The following PSMG3 variants were observed in gnomAD, a reference collection of about 807,000 sequenced individuals.
PSMG3 encodes PAC-3.
PSMG3 carries 4 observed loss-of-function variants against 7.9 expected under a neutral mutation model. That is an observed-to-expected ratio of 0.51 (90% CI 0.25 to 1.16). The LOEUF is 1.16. PSMG3 is among the 50% of genes most tolerant of loss of function. PSMG3 has a pLI of 0.15. For synonymous variants in PSMG3, 81 were observed against 69.8 expected (o/e 1.16, Z -0.80); for missense variants, 151 against 157.4 (o/e 0.96, Z 0.22).
At position 1,569,481 on chromosome 7, in the gene PSMG3, G is replaced by A. The variant is rs1778838932; in HGVS notation, c.-142C>T. The A allele has an allele frequency of 1.4e-6, 1 of 696,324 alleles. No individual in the cohort carries two copies. Among genetic ancestry groups the A allele is most frequent in the Non-Finnish European group, 2.3e-6 (1 of 427,420 alleles). 43.1% of individuals were successfully genotyped at this position (696,324 alleles called of 1,614,324 possible). On this transcript the variant is annotated 5_prime_UTR_variant, in exon 1 of 2. Coordinates refer to ENST00000288607, the MANE Select transcript of PSMG3 (RefSeq NM_032302.4). Reference sequence around the variant, plus strand: ...GAAACGCAAGGAGGCCCATTCAAAAGAAGGGGCCAGGCGCGGTGGCTCATG... The same window carrying A: ...GAAACGCAAGGAGGCCCATTCAAAAAAAGGGGCCAGGCGCGGTGGCTCATG...
In PSMG3 at chr7:1,567,660, C is replaced by T. The variant is rs1196024957; in HGVS notation, c.*38G>A. On this transcript the variant is annotated 3_prime_UTR_variant, in exon 2 of 2. Transcript: ENST00000288607. ...CCCTGAGTGGGTGTCTGGGTGTTCA[C>T]GTGTCCTGCTGAGCAGCGCGGGGCG... The T allele has an allele frequency of 3.2e-6, 5 of 1,583,282 alleles. No individual in the cohort carries two copies. In the South Asian group the frequency reaches 3.5e-5, roughly 11 times the overall value.
In PSMG3 at chr7:1,569,866, G is replaced by A. The variant is rs1339397390; in HGVS notation, c.-527C>T. Reference sequence around the variant, plus strand: ...CTTGCACGTTCACACTGCCAGGCCGGGCAGTGGCTTCCCGCCCCTCGGCCT... The same window carrying A: ...CTTGCACGTTCACACTGCCAGGCCGAGCAGTGGCTTCCCGCCCCTCGGCCT... On this transcript the variant is annotated 5_prime_UTR_variant, in exon 1 of 2. Transcript: ENST00000288607. 2.6e-5 allele frequency: 4 copies of A among 152,040 alleles called. No homozygotes were observed. The highest frequency in any genetic ancestry group is 4.4e-5 in the Non-Finnish European group (3 of 67,996). The allele number at this position is 152,040 out of a possible 1,614,324, so 9.4% of individuals were successfully genotyped here.
At position 1,567,607 on chromosome 7, in the gene PSMG3, C is replaced by T. The variant is rs1778797795; in HGVS notation, c.*91G>A. 1.3e-5 allele frequency: 17 copies of T among 1,354,134 alleles called. No individual in the cohort carries two copies. The highest frequency in any genetic ancestry group is 1.6e-5 in the Non-Finnish European group (16 of 995,006). 83.9% of individuals were successfully genotyped at this position (1,354,134 alleles called of 1,614,324 possible). On this transcript the variant is annotated 3_prime_UTR_variant, in exon 2 of 2. Coordinates refer to ENST00000288607, the MANE Select transcript of PSMG3 (RefSeq NM_032302.4). Reference sequence around the variant, plus strand: ...AGGGCTAGTGCCAAAGTTCCTCCCTCCACCGGGGAGGGAGGTGAGACTTGA... The same window carrying T: ...AGGGCTAGTGCCAAAGTTCCTCCCTTCACCGGGGAGGGAGGTGAGACTTGA...
rs1279869484 is a variant in PSMG3, at chr7:1,567,654, T to C, written c.*44A>G. 6.4e-7 allele frequency: 1 copy of C among 1,569,902 alleles called. No individual in the cohort carries two copies. The highest frequency in any genetic ancestry group is 8.6e-7 in the Non-Finnish European group (1 of 1,156,478). On this transcript the variant is annotated 3_prime_UTR_variant, in exon 2 of 2. Transcript: ENST00000288607. ...TTGAGTCCCTGAGTGGGTGTCTGGG[T>C]GTTCACGTGTCCTGCTGAGCAGCGC...
At position 1,568,151 on chromosome 7, in the gene PSMG3, C is replaced by T. The variant is rs544051177; in HGVS notation, c.217-301G>A. 5.5e-4 allele frequency among the ~76,000 whole-genome samples: 84 copies of T among 152,148 alleles called. 1 individual carries two copies. The highest frequency in any genetic ancestry group is 2.0e-3 in the African/African-American group (81 of 41,502). On this transcript the variant is annotated intron_variant, in intron 1 of 1. Coordinates refer to ENST00000288607, the MANE Select transcript of PSMG3 (RefSeq NM_032302.4). ...AGAAGCCTGCAGAAGCGAGTGCTGTCGAATCTCACGTGTGATCTCCACAGA... is the reference window on the plus strand; with the variant it reads ...AGAAGCCTGCAGAAGCGAGTGCTGTTGAATCTCACGTGTGATCTCCACAGA...
intron 1 of PSMG3, 115 bp from the exon 2 acceptor site, chr7:1,567,965 C>T (rs528904372): frequency 2.3e-5 from 22 of 939,836 alleles, no homozygotes; most frequent in South Asian, 8.4e-5. Context: ...CACCATTAAC[C>T]GCCACATAAG....
In PSMG3 at chr7:1,567,656, T is replaced by C. The variant is rs1340720842; in HGVS notation, c.*42A>G. On this transcript the variant is annotated 3_prime_UTR_variant, in exon 2 of 2. Coordinates refer to ENST00000288607, the MANE Select transcript of PSMG3 (RefSeq NM_032302.4). ...GAGTCCCTGAGTGGGTGTCTGGGTG[T>C]TCACGTGTCCTGCTGAGCAGCGCGG... 3 of 1,574,660 alleles carry C rather than the reference T, an allele frequency of 1.9e-6. No individual in the cohort carries two copies. The highest frequency in any genetic ancestry group is 2.7e-5 in the African/African-American group (2 of 73,662).
intron 1 of PSMG3, among the ~76,000 whole-genome samples, chr7:1,568,494 C>G (rs1778815170): frequency 6.6e-6 from 1 of 151,568 alleles, no homozygotes; most frequent in South Asian, 2.1e-4. Context: ...AAGACAGAGT[C>G]TTGCTCTCTC....
rs868297334 is a variant in PSMG3, at chr7:1,567,395, G to A, written c.*303C>T. The A allele has an allele frequency of 2.7e-5, 8 of 294,384 alleles. No individual in the cohort carries two copies. The highest frequency in any genetic ancestry group is 2.0e-4 in the Admixed American group (4 of 19,530). The allele number at this position is 294,384 out of a possible 1,614,324, so 18.2% of individuals were successfully genotyped here. ...TCCTCCTACAATTGATCCTGCACAC[G>A]GGGGGGCCATGAGCCACGCCTGCTG... On this transcript the variant is annotated 3_prime_UTR_variant, in exon 2 of 2. Coordinates refer to ENST00000288607, the MANE Select transcript of PSMG3 (RefSeq NM_032302.4).
At chr7:1,568,980 G>GT (rs565951695) in intron 1 of PSMG3, 144 bp downstream of exon 1, 2 of 672,904 alleles carry the variant, frequency 3.0e-6, no homozygotes, top group East Asian at 2.6e-5. Flanking sequence ...GTAGGCACTT[G>GT]TTTTTTTGTA....
chr7:1,567,976 T>A, intron 1 of PSMG3, 126 bp from the exon 2 acceptor site: 1 of 805,096 alleles, frequency 1.2e-6, no homozygotes, highest in Non-Finnish European at 1.9e-6. Context: ...GCCACATAAG[T>A]CCATGCAACT....
In PSMG3 at chr7:1,569,183, C is replaced by A. The variant is rs758067585; in HGVS notation, c.157G>T (p.Val53Leu). ...GTLVSLEPSSVASDVSKPVLT... is the reference protein window; with the variant it reads ...GTLVSLEPSSLASDVSKPVLT... ...ACAGGCTTGCTGACGTCACTGGCCA[C>A]GCTGCTGGGCTCCAGGGAGACCAGG... The change falls in exon 1 of 2, where the codon GTG becomes TTG. Residue 53 changes from valine (V) to leucine (L), a missense_variant. Transcript: ENST00000288607. 2.5e-6 allele frequency: 4 copies of A among 1,613,450 alleles called. No homozygotes were observed. The East Asian group carries it at 6.7e-5, about 27-fold the overall frequency.
rs887049764 is a variant in PSMG3 at position 1,569,636 on chromosome 7, G to A, written c.-297C>T. The stretch of plus-strand genomic sequence containing the variant: ...AAAAAAAAAAAAAAACCAGCAGGGC[G>A]CGCCTGTGGTCCCAGTTACTCAGGA... On this transcript the variant is annotated 5_prime_UTR_variant, in exon 1 of 2. Coordinates refer to ENST00000288607, the MANE Select transcript of PSMG3 (RefSeq NM_032302.4). 2 of 279,662 alleles carry A rather than the reference G, an allele frequency of 7.2e-6. No homozygotes were observed. The highest frequency in any genetic ancestry group is 5.7e-5 in the South Asian group (1 of 17,400). 17.3% of individuals were successfully genotyped at this position (279,662 alleles called of 1,614,324 possible).
intron 1 of PSMG3, among the ~76,000 whole-genome samples, chr7:1,568,276 C>T (rs1279576121): frequency 4.0e-5 from 6 of 151,886 alleles, no homozygotes. Context: ...GGATAAAATG[C>T]CTGCGGGCTG....
chr7:1,567,631 G>A lies in PSMG3; in HGVS notation c.*67C>T, dbSNP rs1778798600. On this transcript the variant is annotated 3_prime_UTR_variant, in exon 2 of 2. Coordinates refer to ENST00000288607, the MANE Select transcript of PSMG3 (RefSeq NM_032302.4). ...TCCACCGGGGAGGGAGGTGAGACTT[G>A]AGTCCCTGAGTGGGTGTCTGGGTGT... The A allele has an allele frequency of 2.0e-6, 3 of 1,496,092 alleles. No homozygotes were observed. Among genetic ancestry groups the A allele is most frequent in the Non-Finnish European group, 2.7e-6 (3 of 1,112,992 alleles). 92.7% of individuals were successfully genotyped at this position (1,496,092 alleles called of 1,614,324 possible).
chr7:1,567,936 C>T (rs560230042), intron 1 of PSMG3, 86 bp from the exon 2 acceptor site: 55 of 1,365,816 alleles, frequency 4.0e-5, no homozygotes, highest in Non-Finnish European at 5.2e-5. Context: ...CCTTAGGAAC[C>T]CAGGCAGGCT....
In PSMG3 at chr7:1,567,701, C is replaced by T. The variant is rs1778800941; in HGVS notation, c.366G>A (p.Trp122Ter). The T allele has an allele frequency of 6.2e-7, 1 of 1,613,650 alleles. No individual in the cohort carries two copies. The highest frequency in any genetic ancestry group is 2.2e-5 in the East Asian group (1 of 44,868). The change falls in exon 2 of 2, where the codon TGG becomes TGA. Residue 122 changes from tryptophan (W) to a stop codon, truncating the protein, a stop_gained. Coordinates refer to ENST00000288607, the MANE Select transcript of PSMG3 (RefSeq NM_032302.4). LOFTEE classifies it high-confidence loss of function. ...GCGCGGGGCGGCTGCCTCCAGGTCA[C>T]CACACCTGGCACACCCGGATCACCT... is the stretch of plus-strand genomic sequence containing the variant. ...LREVIRVCQV[W>*]
chr7:1,568,582 C>T (rs1335200998), intron 1 of PSMG3, among the ~76,000 whole-genome samples: 1 of 152,000 alleles, frequency 6.6e-6, no homozygotes, highest in Non-Finnish European at 1.5e-5. Context: ...CCTCCCACCT[C>T]AGCCTCCCAA....
Position 1,569,353 on chromosome 7 carries a change from A to T in PSMG3, c.-14T>A. The T allele has an allele frequency of 6.3e-7, 1 of 1,583,766 alleles. No homozygotes were observed. Among genetic ancestry groups the T allele is most frequent in the Admixed American group, 1.8e-5 (1 of 57,068 alleles). ...CGTGTCTTCCATGGCGGGGCTCTGCAGTGGCAGCTTTAATTTAGGTTAAAA... is the reference window on the plus strand; with the variant it reads ...CGTGTCTTCCATGGCGGGGCTCTGCTGTGGCAGCTTTAATTTAGGTTAAAA... On this transcript the variant is annotated 5_prime_UTR_variant, in exon 1 of 2. Transcript: ENST00000288607.
Sources: allele counts gnomAD v4.1 joint callset (sites outside exome capture counted in the v4.1 genomes callset), GRCh38; gene constraint gnomAD v4.1.1; transcripts MANE v1.5; gene names NCBI Gene and HGNC (gene_info 2026-07-23, HGNC 2026-07-21).